BEND4: variants seen among roughly 807,000 people sequenced by gnomAD.
BEND4 encodes the protein BEN domain-containing protein 4.
BEND4 carries 27 observed loss-of-function variants against 54.7 expected under a neutral mutation model. The ratio of observed to expected loss-of-function variants is 0.49; its 90% CI spans 0.36 to 0.68. The LOEUF is 0.68. Among genes scored for constraint, BEND4 ranks in the 30% least tolerant of loss-of-function variants. The probability of loss-of-function intolerance (pLI) is 0.00; values close to 1 mark genes in which losing one functional copy is unlikely to be tolerated. For synonymous variants in BEND4, 327 were observed against 299.5 expected, an observed-to-expected ratio of 1.09 and a Z score of -0.95; for missense variants, 702 against 697.2, an observed-to-expected ratio of 1.01 and a Z score of -0.08.
Position 42,151,647 on chromosome 4 carries a change from G to T in BEND4, c.487+10C>A. On this transcript the variant is annotated intron_variant, in intron 2 of 5. Coordinates refer to ENST00000502486, the MANE Select transcript of BEND4 (RefSeq NM_207406.4). ...GTGGCGGGAAGGAAAGTTGTGCGGA[G>T]AGTTGGTACCTGCGCTGAGCTCCAG... is the stretch of plus-strand genomic sequence containing the variant. 2 of 1,456,968 alleles carry T rather than the reference G, an allele frequency of 1.4e-6. No individual in the cohort carries two copies. The highest frequency in any genetic ancestry group is 2.8e-5 in the South Asian group (2 of 72,200). The allele number at this position is 1,456,968 out of a possible 1,614,324, so 90.3% of individuals were successfully genotyped here.
chr4:42,125,500 C>G, intron 4 of BEND4, 83 bp downstream of exon 4: 1 of 1,046,760 alleles, frequency 9.6e-7, no homozygotes, highest in Admixed American at 1.9e-5. Context: ...GCTAGCCAGT[C>G]TGTTCTGGTA....
At chr4:42,132,727 G>A (rs909622483) in intron 3 of BEND4, among the ~76,000 whole-genome samples, 2 of 152,132 alleles carry the variant, frequency 1.3e-5, no homozygotes, top group Non-Finnish European at 2.9e-5. Flanking sequence ...TTACAGGTGT[G>A]AGCCACCGCA....
chr4:42,118,544 A>G (rs1413437851), intron 5 of BEND4, among the ~76,000 whole-genome samples: 1 of 152,234 alleles, frequency 6.6e-6, no homozygotes, highest in East Asian at 1.9e-4. Flanking sequence ...CATCAGTGTG[A>G]CAGTGGCTCC....
At chr4:42,131,842 T>C (rs745514877) in intron 3 of BEND4, among the ~76,000 whole-genome samples, 14 of 151,576 alleles carry the variant, frequency 9.2e-5, no homozygotes, top group Non-Finnish European at 2.1e-4. Context: ...AGTGCCTCCC[T>C]TCACCAAATG....
intron 3 of BEND4, among the ~76,000 whole-genome samples, chr4:42,142,237 G>A (rs377156739): frequency 1.9e-3 from 280 of 151,318 alleles, no homozygotes; most frequent in African/African-American, 6.4e-3. Flanking sequence ...CAATGACCAC[G>A]CAATTAAAAA....
intron 3 of BEND4, among the ~76,000 whole-genome samples, chr4:42,137,489 ACAC>A (rs1294493668): frequency 5.9e-5 from 9 of 152,222 alleles, no homozygotes; most frequent in African/African-American, 1.9e-4. Flanking sequence ...ATAAAAGCTC[ACAC>A]CACAAAAGCA....
At chr4:42,129,656 G>A (rs866959081) in intron 3 of BEND4, among the ~76,000 whole-genome samples, 10 of 152,120 alleles carry the variant, frequency 6.6e-5, no homozygotes, top group African/African-American at 2.2e-4. Flanking sequence ...GGGAATCCTG[G>A]GAGAACTGGC....
At chr4:42,149,899 A>C (rs979774949) in intron 2 of BEND4, among the ~76,000 whole-genome samples, 1 of 152,218 alleles carries the variant, frequency 6.6e-6, no homozygotes, top group Non-Finnish European at 1.5e-5. Context: ...TTTACAGTGT[A>C]TAACAGGAAG....
At position 42,115,901 on chromosome 4, in the gene BEND4, AT is replaced by A. The variant is rs1483561309; in HGVS notation, c.*1616del. The A allele has an allele frequency of 6.6e-6, 1 of 152,246 alleles. No homozygotes were observed. The highest frequency in any genetic ancestry group is 1.5e-5 in the Non-Finnish European group (1 of 68,048). 9.4% of individuals were successfully genotyped at this position (152,246 alleles called of 1,614,324 possible). ...AATTTTCTCAAAACAGGATTGAAAT[AT>A]TAGTGCCCACTACATCATTGAGCAG... On this transcript the variant is annotated 3_prime_UTR_variant, in exon 6 of 6. Coordinates refer to ENST00000502486, the MANE Select transcript of BEND4 (RefSeq NM_207406.4).
chr4:42,133,385 C>T (rs560801140), intron 3 of BEND4, among the ~76,000 whole-genome samples: 117 of 152,272 alleles, frequency 7.7e-4, no homozygotes, highest in Non-Finnish European at 1.3e-3. Context: ...GTCTTTAAGA[C>T]ATTCTATGGT....
Position 42,151,798 on chromosome 4 carries a change from G to T in BEND4, c.346C>A (p.Pro116Thr). Residue 116 changes from proline (P) to threonine (T), a missense_variant, in exon 2 of 6, where the codon CCG (proline) becomes ACG (threonine). Pro to Thr is a conservative substitution (Grantham distance 38, BLOSUM62 -1). Coordinates refer to ENST00000502486, the MANE Select transcript of BEND4 (RefSeq NM_207406.4). ...PATSQGHLRT[P>T]AQPPPASPAA... ...GGGGACGCGGGCGGCGGCTGCGCCG[G>T]AGTCCTCAAGTGGCCCTGGGATGTG... 1 of 1,484,476 alleles carries T rather than the reference G, an allele frequency of 6.7e-7. No individual in the cohort carries two copies. Among genetic ancestry groups the T allele is most frequent in the Non-Finnish European group, 8.9e-7 (1 of 1,125,750 alleles). 92.0% of individuals were successfully genotyped at this position (1,484,476 alleles called of 1,614,324 possible).
At chr4:42,138,479 T>C (rs1057160448) in intron 3 of BEND4, among the ~76,000 whole-genome samples, 1 of 152,136 alleles carries the variant, frequency 6.6e-6, no homozygotes, top group African/African-American at 2.4e-5. Flanking sequence ...TAGCACTATG[T>C]AGGATGAATA....
rs1185823219 is a variant in BEND4 at position 42,112,674 on chromosome 4, C to T, written c.*4844G>A. On this transcript the variant is annotated 3_prime_UTR_variant, in exon 6 of 6. Coordinates refer to ENST00000502486, the MANE Select transcript of BEND4 (RefSeq NM_207406.4). Reference sequence around the variant, plus strand: ...GGTCATCAGATGAGGGAAGTCTCAACCTCTCAGTGTTAACCTGCAACTGAA... The same window carrying T: ...GGTCATCAGATGAGGGAAGTCTCAATCTCTCAGTGTTAACCTGCAACTGAA... 1.3e-5 allele frequency: 2 copies of T among 152,176 alleles called. No individual in the cohort carries two copies. The highest frequency in any genetic ancestry group is 4.8e-5 in the African/African-American group (2 of 41,430). The allele number at this position is 152,176 out of a possible 1,614,324, so 9.4% of individuals were successfully genotyped here. A position where few individuals can be genotyped will look rare whatever the true frequency, so the allele number is the denominator to read the frequency against.
At chr4:42,124,545 G>A (rs1720199040) in intron 4 of BEND4, among the ~76,000 whole-genome samples, 1 of 152,148 alleles carries the variant, frequency 6.6e-6, no homozygotes, top group Non-Finnish European at 1.5e-5. Context: ...CACGGAGGAG[G>A]AGAGGTGAGG....
intron 4 of BEND4, among the ~76,000 whole-genome samples, chr4:42,120,756 C>T (rs771740580): frequency 1.3e-5 from 2 of 151,934 alleles, no homozygotes; most frequent in Non-Finnish European, 2.9e-5. Flanking sequence ...GTTTAACGCA[C>T]CCAACACCTG....
chr4:42,117,498 C>G lies in BEND4; in HGVS notation c.*20G>C, dbSNP rs1299696502. 3.8e-6 allele frequency: 6 copies of G among 1,566,308 alleles called. No individual in the cohort carries two copies. The highest frequency in any genetic ancestry group is 5.2e-6 in the Non-Finnish European group (6 of 1,144,256). ...GAACTCTTGAGAGGACCAGCTGCTA[C>G]AACAGGAAGATTCTGTCCACTAATC... On this transcript the variant is annotated 3_prime_UTR_variant, in exon 6 of 6. Coordinates refer to ENST00000502486, the MANE Select transcript of BEND4 (RefSeq NM_207406.4).
intron 4 of BEND4, among the ~76,000 whole-genome samples, chr4:42,123,530 C>T (rs1720141729): frequency 6.6e-6 from 1 of 151,732 alleles, no homozygotes; most frequent in African/African-American, 2.4e-5. Flanking sequence ...CTTTGTGCCA[C>T]ACAGGCACAA....
At position 42,113,062 on chromosome 4, in the gene BEND4, A is replaced by G. The variant is rs1239791947; in HGVS notation, c.*4456T>C. 6.6e-6 allele frequency: 1 copy of G among 152,212 alleles called. No homozygotes were observed. The highest frequency in any genetic ancestry group is 2.4e-5 in the African/African-American group (1 of 41,446). 9.4% of individuals were successfully genotyped at this position (152,212 alleles called of 1,614,324 possible). The stretch of plus-strand genomic sequence containing the variant: ...TGCTGTTTAGACACATTTACATTAG[A>G]GTTCTGACTCAAGCACTCCATTTGA... On this transcript the variant is annotated 3_prime_UTR_variant, in exon 6 of 6. Coordinates refer to ENST00000502486, the MANE Select transcript of BEND4 (RefSeq NM_207406.4).
chr4:42,140,933 A>G (rs944286284), intron 3 of BEND4, among the ~76,000 whole-genome samples: 2 of 152,160 alleles, frequency 1.3e-5, no homozygotes, highest in African/African-American at 2.4e-5. Context: ...TGCCCCAGCT[A>G]AAGAGGGCAG....
Sources: gnomAD v4.1 joint callset for allele counts (sites outside exome capture counted in the v4.1 genomes callset) on GRCh38, gnomAD v4.1.1 for gene constraint, MANE v1.5 for transcripts, NCBI Gene and HGNC (gene_info 2026-07-23, HGNC 2026-07-21) for gene names.